Variants in ADGRG6 observed in about 807,000 individuals in gnomAD.
ADGRG6 encodes G-protein coupled receptor 126.
In ADGRG6, 84 loss-of-function variants were observed where a neutral mutation model predicts 142.4. The ratio of observed to expected loss-of-function variants is 0.59; its 90% confidence interval spans 0.49 to 0.71. ADGRG6 has a LOEUF of 0.71. Among genes scored for constraint, ADGRG6 ranks in the 30% least tolerant of loss-of-function variants. The pLI, the probability that ADGRG6 is intolerant of heterozygous loss-of-function variation, is 0.00. For missense variants in ADGRG6, 1,367 were observed against 1,466.6 expected (o/e 0.93, Z 1.11); for synonymous variants, 521 against 520.5 (o/e 1.00, Z -0.01).
chr6:142,362,980 A>G lies in ADGRG6; in HGVS notation c.104-4589A>G, dbSNP rs1780789512. 2.0e-5 allele frequency among the ~76,000 whole-genome samples: 3 copies of G among 152,240 alleles called. No individual in the cohort carries two copies. The South Asian group carries it at 6.2e-4, about 32-fold the overall frequency. ...TAATATATCCTCATGGATAATTCAA[A>G]TAATGACTGAATAAATGCAGACCAA... On this transcript the variant is annotated intron_variant, in intron 2 of 24. Transcript: ENST00000367609.
intron 22 of ADGRG6, among the ~76,000 whole-genome samples, chr6:142,423,126 T>G (rs1479125634): frequency 6.9e-6 from 1 of 144,214 alleles, no homozygotes; most frequent in Admixed American, 6.9e-5. Flanking sequence ...GCCTGTTCAC[T>G]CTGATGGTAG....
Position 142,309,496 on chromosome 6 carries a change from G to A in ADGRG6, c.3-48G>A, listed in dbSNP as rs370370407. 5 of 1,307,824 alleles carry A rather than the reference G, an allele frequency of 3.8e-6. No homozygotes were observed. In the African/African-American group the frequency reaches 7.3e-5, roughly 19 times the overall value. The allele number at this position is 1,307,824 out of a possible 1,614,324, so 81.0% of individuals were successfully genotyped here. On this transcript the variant is annotated intron_variant, in intron 1 of 24. Transcript: ENST00000367609. The stretch of plus-strand genomic sequence containing the variant: ...TAGTTTTTACTTTATTTGTCATAAT[G>A]CTTTACTGAATGTTGAATGTCCTAA...
chr6:142,369,009 G>T (rs1035557217), intron 3 of ADGRG6, among the ~76,000 whole-genome samples: 1 of 151,990 alleles, frequency 6.6e-6, no homozygotes, highest in East Asian at 1.9e-4. Flanking sequence ...TATTTAAAAC[G>T]TAAACTAAAG....
chr6:142,302,323 T>C lies in ADGRG6; in HGVS notation c.-7T>C. 1.2e-6 allele frequency: 2 copies of C among 1,613,088 alleles called. No homozygotes were observed. The highest frequency in any genetic ancestry group is 1.1e-5 in the South Asian group (1 of 90,894). ...GCCAAAGGGGACCTCGGCGCAGTAA[T>C]GTCAACATGTAAGTCTCACCTTTCA... On this transcript the variant is annotated 5_prime_UTR_variant, in exon 1 of 25. The change abolishes an upstream ATG in the 5' untranslated region. Transcript: ENST00000367609.
At chr6:142,326,659 C>T (rs1033450460) in intron 2 of ADGRG6, among the ~76,000 whole-genome samples, 1 of 151,976 alleles carries the variant, frequency 6.6e-6, no homozygotes, top group African/African-American at 2.4e-5. Context: ...TGAGAACAAA[C>T]TCATTCTATG....
rs1456599966 is a variant in ADGRG6 at position 142,382,227 on chromosome 6, C to T, written c.1138+208C>T. 2.0e-5 allele frequency among the ~76,000 whole-genome samples: 3 copies of T among 152,128 alleles called. No individual in the cohort carries two copies. The East Asian group carries it at 5.8e-4, about 29-fold the overall frequency. ...AGAATGCATTCACACCATGGGTAAC[C>T]ACAATTCCACAAAGCTCTGAGTTTT... is the stretch of plus-strand genomic sequence containing the variant. On this transcript the variant is annotated intron_variant, in intron 5 of 24. Coordinates refer to ENST00000367609, the MANE Select transcript of ADGRG6 (RefSeq NM_198569.3).
Position 142,402,752 on chromosome 6 carries a change from C to T in ADGRG6, c.1877C>T (p.Thr626Ile), listed in dbSNP as rs1188797700. 6 of 1,598,266 alleles carry T rather than the reference C, an allele frequency of 3.8e-6. No individual in the cohort carries two copies. Among genetic ancestry groups the T allele is most frequent in the Non-Finnish European group, 5.1e-6 (6 of 1,166,454 alleles). The change falls in exon 13 of 25, where the codon ACA becomes ATA. Residue 626 changes from threonine (T) to isoleucine (I), a missense_variant. Physicochemically the swap from Thr to Ile is moderately conservative, Grantham distance 89. Around this residue, in one of 3 missense-constraint regions of ADGRG6, gnomAD observed 737 missense variants for 746.5 expected, o/e 0.99. Coordinates refer to ENST00000367609, the MANE Select transcript of ADGRG6 (RefSeq NM_198569.3). ...IVNKEENIDI[T>I]LGSTLMNIFS... The stretch of plus-strand genomic sequence containing the variant: ...AATAAAGAAGAAAACATTGATATAA[C>T]ACTTGGCTCAACTCTAATGAATATA...
intron 2 of ADGRG6, among the ~76,000 whole-genome samples, chr6:142,316,192 T>C (rs1416761926): frequency 6.6e-6 from 1 of 152,146 alleles, no homozygotes; most frequent in Admixed American, 6.5e-5. Flanking sequence ...ATAAAAAAAT[T>C]ACATAATTTT....
intron 2 of ADGRG6, among the ~76,000 whole-genome samples, chr6:142,329,176 T>A (rs955444821): frequency 2.0e-5 from 3 of 152,158 alleles, no homozygotes; most frequent in Non-Finnish European, 1.5e-5. Flanking sequence ...TTTAGCACAG[T>A]TATTTGCACA....
chr6:142,439,061 G>A (rs1231476517), intron 24 of ADGRG6, among the ~76,000 whole-genome samples: 2 of 152,054 alleles, frequency 1.3e-5, no homozygotes, highest in African/African-American at 2.4e-5. Context: ...TGAGATGGTG[G>A]GATTGCTTGT....
intron 18 of ADGRG6, among the ~76,000 whole-genome samples, chr6:142,413,324 T>C (rs1055138207): frequency 2.6e-5 from 4 of 152,176 alleles, no homozygotes; most frequent in African/African-American, 9.6e-5. Context: ...CTCATACCTA[T>C]AATTATATCT....
At chr6:142,407,842 T>C (rs1445159773) in intron 15 of ADGRG6, among the ~76,000 whole-genome samples, 1 of 152,230 alleles carries the variant, frequency 6.6e-6, no homozygotes, top group Non-Finnish European at 1.5e-5. Flanking sequence ...TTTATGAGTT[T>C]ATATTATTTA....
At chr6:142,340,751 G>C (rs1779582491) in intron 2 of ADGRG6, among the ~76,000 whole-genome samples, 1 of 152,074 alleles carries the variant, frequency 6.6e-6, no homozygotes, top group Non-Finnish European at 1.5e-5. Context: ...CATCAGTGAA[G>C]TTGCTGAGCC....
At chr6:142,426,143 A>G (rs1309261570) in intron 22 of ADGRG6, among the ~76,000 whole-genome samples, 1 of 152,092 alleles carries the variant, frequency 6.6e-6, no homozygotes, top group Admixed American at 6.6e-5. Context: ...ACAGTCCCCC[A>G]AAGTCTTAAC....
intron 24 of ADGRG6, chr6:142,440,847 T>G: frequency 2.4e-6 from 2 of 830,250 alleles, no homozygotes; most frequent in East Asian, 5.8e-5. Context: ...CATATCATCA[T>G]GGATATCTAG....
intron 1 of ADGRG6, 94 bp downstream of exon 1, chr6:142,302,425 A>G (rs920176592): frequency 3.7e-6 from 5 of 1,345,214 alleles, no homozygotes; most frequent in Non-Finnish European, 5.2e-6. Flanking sequence ...CTCAAGAGAA[A>G]TGATTTTATA....
At chr6:142,307,274 T>C (rs1002114880) in intron 1 of ADGRG6, among the ~76,000 whole-genome samples, 2 of 152,128 alleles carry the variant, frequency 1.3e-5, no homozygotes, top group East Asian at 3.9e-4. Flanking sequence ...TACATCCTTC[T>C]GTTAATATCT....
At chr6:142,381,578 A>G (rs1781771999) in intron 4 of ADGRG6, among the ~76,000 whole-genome samples, 1 of 152,232 alleles carries the variant, frequency 6.6e-6, no homozygotes. Flanking sequence ...GGTAATTCAT[A>G]TTAACTTCAC....
At chr6:142,425,165 T>C (rs1237148201) in intron 22 of ADGRG6, among the ~76,000 whole-genome samples, 5 of 152,146 alleles carry the variant, frequency 3.3e-5, no homozygotes, top group South Asian at 2.1e-4. Flanking sequence ...CAATAGGAAG[T>C]CTTTGAAAGG....
Sources: gnomAD v4.1 joint callset for allele counts (sites outside exome capture counted in the v4.1 genomes callset) on GRCh38, gnomAD v4.1.1 for gene constraint, gnomAD v4.1.1 regional missense constraint, MANE v1.5 for transcripts, NCBI Gene and HGNC (gene_info 2026-07-23, HGNC 2026-07-21) for gene names.